Variants in SNX24 observed in about 807,000 individuals in gnomAD.
The protein encoded by SNX24 is sorting nexin 24, also known as sorting nexin-24.
Under a neutral mutation model 28.7 loss-of-function variants are expected in SNX24, and 22 were observed. The observed-to-expected ratio is 0.77, with a 90% CI of 0.55 to 1.10. The LOEUF is 1.10. Ranked by LOEUF, SNX24 falls within the 50% of genes least tolerant of loss-of-function variation. The probability of loss-of-function intolerance (pLI) is 0.00; values close to 1 mark genes in which losing one functional copy is unlikely to be tolerated. For synonymous variants in SNX24, 69 were observed against 71.5 expected, an observed-to-expected ratio of 0.96 and a Z score of 0.18; for missense variants, 221 against 201.1, an observed-to-expected ratio of 1.10 and a Z score of -0.60.
At chr5:122,940,416 A>G (rs914768465) in intron 2 of SNX24, among the ~76,000 whole-genome samples, 2 of 152,064 alleles carry the variant, frequency 1.3e-5, no homozygotes, top group African/African-American at 4.8e-5. Flanking sequence ...CTAAAACACC[A>G]TTTTTACCTC....
intron 1 of SNX24, among the ~76,000 whole-genome samples, chr5:122,929,079 A>G (rs376342016): frequency 1.4e-4 from 21 of 151,988 alleles, no homozygotes; most frequent in Non-Finnish European, 2.4e-4. Context: ...TGTATCTCCA[A>G]TGACTAGCTC....
chr5:122,861,991 C>T (rs1755479495), intron 1 of SNX24, among the ~76,000 whole-genome samples: 2 of 152,332 alleles, frequency 1.3e-5, no homozygotes, highest in African/African-American at 4.8e-5. Context: ...CTGTGTCCCC[C>T]ATTCCCAGTG....
At chr5:123,014,209 C>T (rs1762641186) in intron 5 of SNX24, among the ~76,000 whole-genome samples, 2 of 152,028 alleles carry the variant, frequency 1.3e-5, no homozygotes, top group African/African-American at 2.4e-5. Flanking sequence ...CACTGTTGCC[C>T]AGGCTGGAGT....
At chr5:122,993,781 A>G (rs543284958) in intron 3 of SNX24, among the ~76,000 whole-genome samples, 1 of 152,290 alleles carries the variant, frequency 6.6e-6, no homozygotes, top group Admixed American at 6.5e-5. Flanking sequence ...GTGAGGAGGT[A>G]TTGATTTTTC....
intron 1 of SNX24, among the ~76,000 whole-genome samples, chr5:122,894,873 C>T (rs1252497206): frequency 6.6e-6 from 1 of 152,100 alleles, no homozygotes; most frequent in East Asian, 1.9e-4. Flanking sequence ...AACTGTTATG[C>T]TGTAGTCTAG....
At chr5:122,956,367 T>TACACAC (rs9327282) in intron 3 of SNX24, among the ~76,000 whole-genome samples, 19 of 147,144 alleles carry the variant, frequency 1.3e-4, no homozygotes, top group South Asian at 4.3e-4. Context: ...AAAAAATATA[T>TACACAC]ACACACACAC....
chr5:122,918,131 G>A (rs1240056784), intron 1 of SNX24, among the ~76,000 whole-genome samples: 1 of 152,158 alleles, frequency 6.6e-6, no homozygotes, highest in East Asian at 1.9e-4. Context: ...CCAACAGGCT[G>A]GGCCTGGTGG....
intron 3 of SNX24, among the ~76,000 whole-genome samples, chr5:122,949,764 T>C (rs934225553): frequency 3.3e-5 from 5 of 152,206 alleles, no homozygotes; most frequent in African/African-American, 9.6e-5. Context: ...ATTATTATTT[T>C]CCTACTTAAA....
chr5:122,946,216 CTT>C, intron 3 of SNX24, 57 bp downstream of exon 3: 1 of 1,029,012 alleles, frequency 9.7e-7, no homozygotes, highest in Non-Finnish European at 1.5e-6. Flanking sequence ...TGTCTTACCA[CTT>C]TTTCTCAGGA....
intron 3 of SNX24, among the ~76,000 whole-genome samples, chr5:122,972,884 G>A: frequency 6.6e-6 from 1 of 152,122 alleles, no homozygotes; most frequent in Middle Eastern, 3.2e-3. Context: ...CTGGCAAATT[G>A]GACACTCAGT....
At chr5:122,893,565 A>G (rs1040799818) in intron 1 of SNX24, among the ~76,000 whole-genome samples, 1 of 152,228 alleles carries the variant, frequency 6.6e-6, no homozygotes, top group Non-Finnish European at 1.5e-5. Context: ...GTGAGCATAT[A>G]CACATATTTT....
intron 3 of SNX24, among the ~76,000 whole-genome samples, chr5:122,986,645 A>G (rs916586872): frequency 2.0e-5 from 3 of 152,086 alleles, no homozygotes; most frequent in Non-Finnish European, 2.9e-5. Context: ...GAAAGAGTGA[A>G]TGAACTGGAG....
At chr5:122,896,474 G>C (rs934336788) in intron 1 of SNX24, among the ~76,000 whole-genome samples, 7 of 152,326 alleles carry the variant, frequency 4.6e-5, no homozygotes, top group Non-Finnish European at 1.0e-4. Context: ...GTCCTACCAT[G>C]TTGCCTTTGG....
Position 122,966,432 on chromosome 5 carries a change from C to T in SNX24, c.249+20273C>T, listed in dbSNP as rs555009513. Among the ~76,000 whole-genome samples the T allele has an allele frequency of 1.1e-3, 161 of 152,288 alleles. 1 individual carries two copies. Among genetic ancestry groups the T allele is most frequent in the African/African-American group, 3.5e-3 (146 of 41,566 alleles). ...CCATGTGAGCCATATGGCTGTGTTG[C>T]AATTACTCCACTCTGCCATTGTAGT... is the stretch of plus-strand genomic sequence containing the variant. On this transcript the variant is annotated intron_variant, in intron 3 of 6. Coordinates refer to ENST00000261369, the MANE Select transcript of SNX24 (RefSeq NM_014035.4).
chr5:123,012,676 TA>T (rs529668303), downstream of SNX24, among the ~76,000 whole-genome samples: 69 of 152,312 alleles, frequency 4.5e-4, 1 homozygote, highest in South Asian at 0.014. Context: ...TTTACCACAA[TA>T]AAAACAATAA....
intron 1 of SNX24, among the ~76,000 whole-genome samples, chr5:122,916,294 T>C (rs766617914): frequency 5.9e-5 from 9 of 152,330 alleles, no homozygotes; most frequent in Non-Finnish European, 8.8e-5. Flanking sequence ...TTTGACTCTG[T>C]TTCCAGGGAG....
chr5:122,985,164 G>A (rs763032797), intron 3 of SNX24, among the ~76,000 whole-genome samples: 5 of 152,180 alleles, frequency 3.3e-5, no homozygotes, highest in Non-Finnish European at 7.3e-5. Flanking sequence ...TGTCATGACC[G>A]TGTTTATTTA....
intron 2 of SNX24, among the ~76,000 whole-genome samples, chr5:122,945,632 A>G (rs974228350): frequency 2.0e-5 from 3 of 152,222 alleles, no homozygotes; most frequent in African/African-American, 4.8e-5. Context: ...ACTTATATAC[A>G]GTTGCATTTT....
chr5:122,908,532 C>G (rs1009072025), intron 1 of SNX24, among the ~76,000 whole-genome samples: 4 of 152,144 alleles, frequency 2.6e-5, no homozygotes, highest in African/African-American at 9.7e-5. Flanking sequence ...TTCTTGTAAA[C>G]TGTAGCATAG....
Sources: allele counts gnomAD v4.1 joint callset (sites outside exome capture counted in the v4.1 genomes callset), GRCh38; gene constraint gnomAD v4.1.1; transcripts MANE v1.5; gene names NCBI Gene and HGNC (gene_info 2026-07-23, HGNC 2026-07-21).